Variants in PARD6G observed in about 807,000 individuals in gnomAD.
The protein encoded by PARD6G is par-6 family cell polarity regulator gamma, also known as partitioning defective 6 homolog gamma.
In PARD6G, 7 loss-of-function variants were observed where a neutral mutation model predicts 10.7. The observed-to-expected ratio is 0.66, with a 90% confidence interval of 0.37 to 1.23. The LOEUF (loss-of-function observed/expected upper bound fraction) is 1.23, where lower values mean the gene tolerates loss of function less well. PARD6G is among the 50% of genes most tolerant of loss of function. The pLI is 0.02. For missense variants in PARD6G, 548 were observed against 571.8 expected (o/e 0.96, Z 0.42); for synonymous variants, 287 against 269.4 (o/e 1.07, Z -0.64).
At chr18:80,171,371 C>T (rs2052775375) in intron 2 of PARD6G, 2 of 152,394 alleles carry the variant, frequency 1.3e-5, no homozygotes, top group East Asian at 1.9e-4. Flanking sequence ...CATCCAGGCC[C>T]CATCCCTCCC....
chr18:80,159,622 C>CTT lies in PARD6G; in HGVS notation c.*147_*148dup. ...CGAAATTCTATAAAAATAGGCAATA[C>CTT]TTGTGTTTTTATATCCGGAAGTTGA... On this transcript the variant is annotated 3_prime_UTR_variant, in exon 3 of 3. Coordinates refer to ENST00000353265, the MANE Select transcript of PARD6G (RefSeq NM_032510.4). 2 of 1,199,914 alleles carry CTT rather than the reference C, an allele frequency of 1.7e-6. No homozygotes were observed. Among genetic ancestry groups the CTT allele is most frequent in the South Asian group, 2.7e-5 (1 of 36,468 alleles). The allele number at this position is 1,199,914 out of a possible 1,614,324, so 74.3% of individuals were successfully genotyped here.
chr18:80,223,846 T>C (rs534011728), intron 1 of PARD6G, among the ~76,000 whole-genome samples: 2 of 152,168 alleles, frequency 1.3e-5, no homozygotes, highest in Admixed American at 6.5e-5. Flanking sequence ...CACAACCCAT[T>C]TAGAAGATGA....
intron 1 of PARD6G, among the ~76,000 whole-genome samples, chr18:80,221,177 T>C (rs1348245773): frequency 6.6e-6 from 1 of 152,102 alleles, no homozygotes; most frequent in Non-Finnish European, 1.5e-5. Context: ...TCACAAATTC[T>C]TCCAAAAAAT....
In PARD6G at chr18:80,183,475, T is replaced by G. The variant is rs1321238024; in HGVS notation, c.295+19235A>C. On this transcript the variant is annotated intron_variant, in intron 2 of 2. Coordinates refer to ENST00000353265, the MANE Select transcript of PARD6G (RefSeq NM_032510.4). This position sits in a 1 kb window ranked among gnomAD's most constrained non-coding sequence, Gnocchi z 4.5. ...CCCCAGAGCTTCTAATGGTCCCAGC[T>G]GAGTCCCCCAAGGCTCAGCACGTGA... 6.6e-6 allele frequency among the ~76,000 whole-genome samples: 1 copy of G among 152,144 alleles called. No individual in the cohort carries two copies. Among genetic ancestry groups the G allele is most frequent in the East Asian group, 1.9e-4 (1 of 5,182 alleles).
At chr18:80,236,647 A>G (rs1329166579) in intron 1 of PARD6G, among the ~76,000 whole-genome samples, 1 of 152,254 alleles carries the variant, frequency 6.6e-6, no homozygotes, top group Non-Finnish European at 1.5e-5. Context: ...AAGCAACTTC[A>G]GCAAAGTCTC....
At chr18:80,202,342 A>G (rs917085256) in intron 2 of PARD6G, among the ~76,000 whole-genome samples, 19 of 152,120 alleles carry the variant, frequency 1.2e-4, no homozygotes, top group African/African-American at 4.3e-4. Flanking sequence ...TTATCATCGA[A>G]AGCTAACATG....
At chr18:80,220,600 T>C (rs989057274) in intron 1 of PARD6G, among the ~76,000 whole-genome samples, 1 of 152,024 alleles carries the variant, frequency 6.6e-6, no homozygotes, top group African/African-American at 2.4e-5. Flanking sequence ...CTCTCTGCAA[T>C]CTTTGTTTTT....
rs1967561492 is a variant in PARD6G at position 80,247,137 on chromosome 18, G to A, written c.72+140C>T. On this transcript the variant is annotated intron_variant, in intron 1 of 2. Transcript: ENST00000353265. The surrounding 1 kb of genome is among the most constrained non-coding windows in gnomAD (Gnocchi z 4.2). Reference sequence around the variant, plus strand: ...CGGGGTCCCCAGTGCGCGTCCCGCGGAGCGGCGCGCGGCGCCCGAACTGGA... The same window carrying A: ...CGGGGTCCCCAGTGCGCGTCCCGCGAAGCGGCGCGCGGCGCCCGAACTGGA... 9.3e-6 allele frequency: 5 copies of A among 539,494 alleles called. No homozygotes were observed. Among genetic ancestry groups the A allele is most frequent in the Non-Finnish European group, 1.5e-5 (5 of 334,610 alleles). 33.4% of individuals were successfully genotyped at this position (539,494 alleles called of 1,614,324 possible). A position where few individuals can be genotyped will look rare whatever the true frequency, so the allele number is the denominator to read the frequency against.
chr18:80,160,689 T>C (rs918381104), intron 2 of PARD6G, 83 bp from the exon 3 acceptor site: 18 of 1,417,976 alleles, frequency 1.3e-5, no homozygotes, highest in Non-Finnish European at 1.6e-5. Flanking sequence ...GCACTGCTGT[T>C]CCATCTGCGT....
Position 80,175,119 on chromosome 18 carries a change from T to C in PARD6G, c.296-14513A>G, listed in dbSNP as rs941866519. ...AACAAAGCAGAAAGAAAATGCCCCA[T>C]AATCCTTCTTCCTAACAGTCTAGTA... is the stretch of plus-strand genomic sequence containing the variant. On this transcript the variant is annotated intron_variant, in intron 2 of 2. Coordinates refer to ENST00000353265, the MANE Select transcript of PARD6G (RefSeq NM_032510.4). This position sits in a 1 kb window ranked among gnomAD's most constrained non-coding sequence, Gnocchi z 6.7. Among the ~76,000 whole-genome samples, 1 of 152,102 alleles carries C rather than the reference T, an allele frequency of 6.6e-6. No homozygotes were observed. Among genetic ancestry groups the C allele is most frequent in the African/African-American group, 2.4e-5 (1 of 41,416 alleles).
At chr18:80,239,209 G>A (rs1386066491) in intron 1 of PARD6G, among the ~76,000 whole-genome samples, 2 of 152,052 alleles carry the variant, frequency 1.3e-5, no homozygotes, top group Non-Finnish European at 2.9e-5. Context: ...CATGGGAGCA[G>A]CAGGGAGAAG....
At chr18:80,195,029 C>A (rs1421030458) in intron 2 of PARD6G, among the ~76,000 whole-genome samples, 2 of 47,624 alleles carry the variant, frequency 4.2e-5, no homozygotes, top group South Asian at 9.3e-4. Flanking sequence ...CTCTGCCAGC[C>A]AGAGTCCCAC....
chr18:80,177,269 G>C (rs1338434266), intron 2 of PARD6G, among the ~76,000 whole-genome samples: 5 of 119,586 alleles, frequency 4.2e-5, no homozygotes, highest in Non-Finnish European at 8.3e-5. Flanking sequence ...GCCCAAATGG[G>C]AAGCACACAC....
chr18:80,223,737 G>A (rs150693203), intron 1 of PARD6G, among the ~76,000 whole-genome samples: 132 of 152,276 alleles, frequency 8.7e-4, no homozygotes, highest in African/African-American at 3.1e-3. Context: ...TGACAACCCC[G>A]AGGACGGCAC....
chr18:80,210,242 C>A (rs989896961), intron 1 of PARD6G, among the ~76,000 whole-genome samples: 1 of 152,180 alleles, frequency 6.6e-6, no homozygotes, highest in Non-Finnish European at 1.5e-5. Flanking sequence ...CTAGGACCTG[C>A]AAATCTCTGC....
Position 80,192,635 on chromosome 18 carries a change from A to G in PARD6G, c.295+10075T>C, listed in dbSNP as rs2145272756. 6.6e-6 allele frequency among the ~76,000 whole-genome samples: 1 copy of G among 152,312 alleles called. No homozygotes were observed. Among genetic ancestry groups the G allele is most frequent in the South Asian group, 2.1e-4 (1 of 4,832 alleles). On this transcript the variant is annotated intron_variant, in intron 2 of 2. Transcript: ENST00000353265. This position sits in a 1 kb window ranked among gnomAD's most constrained non-coding sequence, Gnocchi z 4.9. ...GTGTGGGGCTGTCATGACACATTGA[A>G]GGGTACACTGTACTTTCTGAACCTT...
intron 1 of PARD6G, among the ~76,000 whole-genome samples, chr18:80,214,080 C>T (rs1967135855): frequency 6.6e-6 from 1 of 151,996 alleles, no homozygotes. Flanking sequence ...TGTTGTACTT[C>T]CTAGGCAAAG....
At chr18:80,168,666 G>A (rs1379496038) in intron 2 of PARD6G, among the ~76,000 whole-genome samples, 1 of 151,066 alleles carries the variant, frequency 6.6e-6, no homozygotes, top group Non-Finnish European at 1.5e-5. Context: ...CACCCAGGCT[G>A]GAGTGCAATG....
chr18:80,183,344 G>C lies in PARD6G; in HGVS notation c.295+19366C>G, dbSNP rs148458013. 2.0e-5 allele frequency among the ~76,000 whole-genome samples: 3 copies of C among 152,270 alleles called. No homozygotes were observed. The East Asian group carries it at 5.8e-4, about 29-fold the overall frequency. ...ACAAGCGAAAGACAAAAAACCACCA[G>C]CATCCGTCTTCTTCCTTTCCAGCCA... On this transcript the variant is annotated intron_variant, in intron 2 of 2. Coordinates refer to ENST00000353265, the MANE Select transcript of PARD6G (RefSeq NM_032510.4). This position sits in a 1 kb window ranked among gnomAD's most constrained non-coding sequence, Gnocchi z 4.5.
Sources: allele counts gnomAD v4.1 joint callset (sites outside exome capture counted in the v4.1 genomes callset), GRCh38; gene constraint gnomAD v4.1.1; non-coding constraint Gnocchi (gnomAD v3.1); transcripts MANE v1.5; gene names NCBI Gene and HGNC (gene_info 2026-07-23, HGNC 2026-07-21).